Variants in UBTD2 observed in about 807,000 individuals in gnomAD.
UBTD2 encodes ubiquitin domain-containing protein 2.
Under a neutral mutation model 19.8 loss-of-function variants are expected in UBTD2, and 9 were observed. The ratio of observed to expected loss-of-function variants is 0.46; its 90% CI spans 0.27 to 0.79. UBTD2 has a LOEUF of 0.79. Ranked by LOEUF, UBTD2 falls within the 30% of genes least tolerant of loss-of-function variation. UBTD2 has a pLI of 0.14. For missense variants in UBTD2, 250 were observed against 300.4 expected (o/e 0.83, Z 1.24); for synonymous variants, 98 against 103.9 (o/e 0.94, Z 0.35).
At chr5:172,240,931 C>G (rs929590624) in intron 1 of UBTD2, among the ~76,000 whole-genome samples, 1 of 151,910 alleles carries the variant, frequency 6.6e-6, no homozygotes, top group Non-Finnish European at 1.5e-5. Context: ...ATCATAAATA[C>G]ATATATATAA....
intron 1 of UBTD2, among the ~76,000 whole-genome samples, chr5:172,266,026 C>T (rs902156714): frequency 1.3e-5 from 2 of 151,542 alleles, no homozygotes; most frequent in African/African-American, 2.4e-5. Context: ...CTCTGCCTCC[C>T]GGGTTCAAGC....
chr5:172,242,970 C>T (rs79546510), intron 1 of UBTD2, among the ~76,000 whole-genome samples: 3,366 of 152,018 alleles, frequency 0.022, 104 homozygotes, highest in African/African-American at 0.076. Flanking sequence ...ATGTATGCTC[C>T]GAAATTGACC....
In UBTD2 at chr5:172,209,972, T is replaced by C. The variant is rs1017637381; in HGVS notation, c.*1858A>G. On this transcript the variant is annotated 3_prime_UTR_variant, in exon 3 of 3. Coordinates refer to ENST00000393792, the MANE Select transcript of UBTD2 (RefSeq NM_152277.3). ...ACACTTTTTTCCAGTTGACAAACTTTGAGAAGTGCTGCTATTCGATGTGGC... is the reference window on the plus strand; with the variant it reads ...ACACTTTTTTCCAGTTGACAAACTTCGAGAAGTGCTGCTATTCGATGTGGC... 1 of 152,238 alleles carries C rather than the reference T, an allele frequency of 6.6e-6. No individual in the cohort carries two copies. Among genetic ancestry groups the C allele is most frequent in the African/African-American group, 2.4e-5 (1 of 41,458 alleles). 9.4% of individuals were successfully genotyped at this position (152,238 alleles called of 1,614,324 possible). A position where few individuals can be genotyped will look rare whatever the true frequency, so the allele number is the denominator to read the frequency against.
intron 1 of UBTD2, among the ~76,000 whole-genome samples, chr5:172,269,059 AAAG>A (rs1228540098): frequency 1.3e-5 from 2 of 152,206 alleles, no homozygotes; most frequent in East Asian, 1.9e-4. Flanking sequence ...AGTGCAAAAA[AAAG>A]AGATACAAAG....
At chr5:172,247,433 CTT>C (rs1754903264) in intron 1 of UBTD2, among the ~76,000 whole-genome samples, 1 of 152,044 alleles carries the variant, frequency 6.6e-6, no homozygotes, top group African/African-American at 2.4e-5. Flanking sequence ...GGGAAGATCT[CTT>C]GAGCTTGGGA....
rs35687001 is a variant in UBTD2, at chr5:172,273,590, C to CAAAAAA, written c.70+10000_70+10005dup. Among the ~76,000 whole-genome samples, 224 of 36,392 alleles carry CAAAAAA rather than the reference C, an allele frequency of 6.2e-3. 15 individuals are homozygous for CAAAAAA. Among genetic ancestry groups the CAAAAAA allele is most frequent in the African/African-American group, 0.023 (200 of 8,692 alleles). The allele number at this position is 36,392 out of a possible 152,430, so 23.9% of individuals were successfully genotyped here. On this transcript the variant is annotated intron_variant, in intron 1 of 2. Coordinates refer to ENST00000393792, the MANE Select transcript of UBTD2 (RefSeq NM_152277.3). ...TGGGCGACAGAGTGAGACTCCGTCT[C>CAAAAAA]AAAAAAAAAAAAAAAAAAAAAAAAA...
rs534238004 is a variant in UBTD2, at chr5:172,258,658, T to C, written c.71-24300A>G. Among the ~76,000 whole-genome samples, 11 of 152,322 alleles carry C rather than the reference T, an allele frequency of 7.2e-5. No homozygotes were observed. The South Asian group carries it at 1.5e-3, about 20-fold the overall frequency. On this transcript the variant is annotated intron_variant, in intron 1 of 2. Coordinates refer to ENST00000393792, the MANE Select transcript of UBTD2 (RefSeq NM_152277.3). Reference sequence around the variant, plus strand: ...CAGCAGTGTTTTGTAATTCTTGTTGTAGAGATCTTTCACTTCCCGCGTTGG... The same window carrying C: ...CAGCAGTGTTTTGTAATTCTTGTTGCAGAGATCTTTCACTTCCCGCGTTGG...
intron 1 of UBTD2, among the ~76,000 whole-genome samples, chr5:172,241,690 C>T (rs1772130813): frequency 1.3e-5 from 2 of 152,122 alleles, no homozygotes; most frequent in East Asian, 3.9e-4. Context: ...CACTTTTTCT[C>T]ACTATGGTAA....
intron 1 of UBTD2, among the ~76,000 whole-genome samples, chr5:172,276,585 C>T (rs1169103835): frequency 1.3e-5 from 2 of 152,146 alleles, no homozygotes; most frequent in Non-Finnish European, 2.9e-5. Flanking sequence ...GGAGAATCAA[C>T]TGGGGTGAAG....
chr5:172,247,043 A>G (rs891927836), intron 1 of UBTD2, among the ~76,000 whole-genome samples: 25 of 151,900 alleles, frequency 1.6e-4, no homozygotes, highest in Admixed American at 1.6e-3. Flanking sequence ...CATGAGCCAC[A>G]GCATCCGGCC....
At chr5:172,222,768 A>G (rs969231541) in intron 2 of UBTD2, among the ~76,000 whole-genome samples, 6 of 152,250 alleles carry the variant, frequency 3.9e-5, no homozygotes, top group African/African-American at 9.6e-5. Flanking sequence ...AGATTCAATG[A>G]TGTAAAATTA....
chr5:172,242,676 C>T (rs1000538219), intron 1 of UBTD2, among the ~76,000 whole-genome samples: 3 of 152,178 alleles, frequency 2.0e-5, no homozygotes, highest in Non-Finnish European at 4.4e-5. Flanking sequence ...CTGAATGTCA[C>T]GTCTATGGTA....
intron 1 of UBTD2, among the ~76,000 whole-genome samples, chr5:172,239,009 T>G (rs1330018057): frequency 6.6e-6 from 1 of 152,164 alleles, no homozygotes; most frequent in Non-Finnish European, 1.5e-5. Context: ...TTCACATAAA[T>G]TTAGAATGCA....
chr5:172,264,937 T>C (rs1755345019), intron 1 of UBTD2, among the ~76,000 whole-genome samples: 1 of 152,178 alleles, frequency 6.6e-6, no homozygotes. Context: ...TTAAAAGTTG[T>C]TGTCATTACT....
At chr5:172,249,740 A>C (rs1332562643) in intron 1 of UBTD2, among the ~76,000 whole-genome samples, 1 of 152,174 alleles carries the variant, frequency 6.6e-6, no homozygotes, top group Non-Finnish European at 1.5e-5. Context: ...TATATATCAC[A>C]ATTGAGATTT....
chr5:172,254,897 T>C (rs1054790179), intron 1 of UBTD2: 4 of 502,688 alleles, frequency 8.0e-6, no homozygotes, highest in Admixed American at 2.9e-5. Context: ...TTTCATCTCC[T>C]CCATGGAAGA....
At chr5:172,278,848 C>T (rs1190438264) in intron 1 of UBTD2, among the ~76,000 whole-genome samples, 2 of 152,142 alleles carry the variant, frequency 1.3e-5, no homozygotes, top group Non-Finnish European at 2.9e-5. Context: ...GATCCTGGCT[C>T]ACTGCAACCT....
chr5:172,255,368 A>G, intron 1 of UBTD2: 1 of 473,094 alleles, frequency 2.1e-6, no homozygotes, highest in South Asian at 1.7e-5. Context: ...ATGTAATTAG[A>G]TGAGTATGAC....
intron 1 of UBTD2, among the ~76,000 whole-genome samples, chr5:172,271,124 A>G (rs796100307): frequency 1.3e-4 from 20 of 152,084 alleles, no homozygotes; most frequent in African/African-American, 4.6e-4. Context: ...TCTTCATCTA[A>G]TCCTCTTTTA....
Sources: gnomAD v4.1 joint callset for allele counts (sites outside exome capture counted in the v4.1 genomes callset) on GRCh38, gnomAD v4.1.1 for gene constraint, MANE v1.5 for transcripts, NCBI Gene and HGNC (gene_info 2026-07-23, HGNC 2026-07-21) for gene names.